PPP4C: variants seen among roughly 807,000 people sequenced by gnomAD.
The protein encoded by PPP4C is serine/threonine-protein phosphatase 4 catalytic subunit.
A neutral mutation model predicts 40.5 loss-of-function variants in PPP4C; 10 were observed. The observed-to-expected ratio is 0.25, with a 90% CI of 0.15 to 0.42. The LOEUF is 0.42. Among genes scored for constraint, PPP4C ranks in the 10% least tolerant of loss-of-function variants. The pLI, the probability that PPP4C is intolerant of heterozygous loss-of-function variation, is 1.00. For synonymous variants in PPP4C, 187 were observed against 163.6 expected (o/e 1.14, Z -1.09); for missense variants, 191 against 416.4 (o/e 0.46, Z 4.71).
Position 30,076,200 on chromosome 16 carries a change from G to A in PPP4C, c.-64+106G>A, listed in dbSNP as rs1262557250. On this transcript the variant is annotated intron_variant, in intron 1 of 8. Coordinates refer to ENST00000279387, the MANE Select transcript of PPP4C (RefSeq NM_002720.3). ...AGGCCGTTGGACGCCGGGGGGTCCT[G>A]GGGCCGATGTGAGGGGAGGCGGGGG... is the stretch of plus-strand genomic sequence containing the variant. 4 of 642,900 alleles carry A rather than the reference G, an allele frequency of 6.2e-6. No homozygotes were observed. In the East Asian group the frequency reaches 1.1e-4, roughly 18 times the overall value. 39.8% of individuals were successfully genotyped at this position (642,900 alleles called of 1,614,324 possible). A position where few individuals can be genotyped will look rare whatever the true frequency, so the allele number is the denominator to read the frequency against.
rs1245904454 is a variant in PPP4C at position 30,085,373 on chromosome 16, TG to T, written c.*313del. ...AAAAATTCTAATAAAAGAAGAAAAA[TG>T]GTTTTTGGGTTTGTGCCAGACTTGG... On this transcript the variant is annotated 3_prime_UTR_variant, in exon 9 of 9. Transcript: ENST00000279387. 8.3e-6 allele frequency: 2 copies of T among 241,762 alleles called. No homozygotes were observed. The highest frequency in any genetic ancestry group is 1.0e-4 in the Admixed American group (2 of 19,918). 15.0% of individuals were successfully genotyped at this position (241,762 alleles called of 1,614,324 possible). A position where few individuals can be genotyped will look rare whatever the true frequency, so the allele number is the denominator to read the frequency against.
rs1396380865 is a variant in PPP4C at position 30,076,187 on chromosome 16, G to A, written c.-64+93G>A. The A allele has an allele frequency of 8.3e-6, 5 of 605,418 alleles. No individual in the cohort carries two copies. The East Asian group carries it at 1.1e-4, about 14-fold the overall frequency. The allele number at this position is 605,418 out of a possible 1,614,324, so 37.5% of individuals were successfully genotyped here. A position where few individuals can be genotyped will look rare whatever the true frequency, so the allele number is the denominator to read the frequency against. On this transcript the variant is annotated intron_variant, in intron 1 of 8. Coordinates refer to ENST00000279387, the MANE Select transcript of PPP4C (RefSeq NM_002720.3). The stretch of plus-strand genomic sequence containing the variant: ...CGGGGGTGCGGCCAGGCCGTTGGAC[G>A]CCGGGGGGTCCTGGGGCCGATGTGA...
rs1479292543 is a variant in PPP4C, at chr16:30,076,114, C to T, written c.-64+20C>T. On this transcript the variant is annotated intron_variant, in intron 1 of 8. Coordinates refer to ENST00000279387, the MANE Select transcript of PPP4C (RefSeq NM_002720.3). Reference sequence around the variant, plus strand: ...GCGGCGGTAATAGTGCGAGACTCCTCTAAGTCACCGTCCTTAGCGCGGGAC... The same window carrying T: ...GCGGCGGTAATAGTGCGAGACTCCTTTAAGTCACCGTCCTTAGCGCGGGAC... 2 of 549,968 alleles carry T rather than the reference C, an allele frequency of 3.6e-6. No individual in the cohort carries two copies. Among genetic ancestry groups the T allele is most frequent in the South Asian group, 2.2e-5 (1 of 45,656 alleles). 34.1% of individuals were successfully genotyped at this position (549,968 alleles called of 1,614,324 possible).
chr16:30,079,865 A>G (rs2072471017), intron 2 of PPP4C, among the ~76,000 whole-genome samples: 1 of 152,160 alleles, frequency 6.6e-6, no homozygotes, highest in Non-Finnish European at 1.5e-5. Flanking sequence ...CCTGGTTCAT[A>G]TCCCACCTGT....
rs937517744 is a variant in PPP4C, at chr16:30,083,195, G to T, written c.304-199G>T. The stretch of plus-strand genomic sequence containing the variant: ...AGAGCCATTAGGTTCATAGTTGAGG[G>T]AATGGGTCAGCTTTACATTCTCTGG... On this transcript the variant is annotated intron_variant, in intron 5 of 8. Transcript: ENST00000279387. The surrounding 1 kb of genome is among the most constrained non-coding windows in gnomAD (Gnocchi z 6.3). 2.1e-5 allele frequency: 14 copies of T among 657,510 alleles called. No individual in the cohort carries two copies. The highest frequency in any genetic ancestry group is 3.4e-5 in the Non-Finnish European group (13 of 380,144). 40.7% of individuals were successfully genotyped at this position (657,510 alleles called of 1,614,324 possible).
Position 30,082,542 on chromosome 16 carries a change from T to A in PPP4C, c.201+8T>A, listed in dbSNP as rs1372914096. ...CTCAAAGAGCTGTTCAGAGTAAGAG[T>A]GTGGCCAACACTGTGAAATGTAACG... On this transcript the variant is annotated splice_region_variant and intron_variant, in intron 4 of 8. Transcript: ENST00000279387. 6.2e-7 allele frequency: 1 copy of A among 1,610,556 alleles called. No individual in the cohort carries two copies. Among genetic ancestry groups the A allele is most frequent in the African/African-American group, 1.3e-5 (1 of 74,492 alleles).
At chr16:30,078,520 C>T (rs894957576) in intron 2 of PPP4C, among the ~76,000 whole-genome samples, 11 of 152,112 alleles carry the variant, frequency 7.2e-5, no homozygotes, top group South Asian at 2.1e-4. Context: ...CTGAGTTGGC[C>T]GCTGTTGTCC....
In PPP4C at chr16:30,076,546, CTG is replaced by C; in HGVS notation, c.98+72_98+73del. 3.4e-6 allele frequency: 5 copies of C among 1,458,064 alleles called. No individual in the cohort carries two copies. In the Admixed American group the frequency reaches 7.9e-5, roughly 23 times the overall value. 90.3% of individuals were successfully genotyped at this position (1,458,064 alleles called of 1,614,324 possible). ...GGGTTCTGGCCTGGGGCAAACCCAACTGAGAACTTTGGGCTTGCCTCGTTCTG... is the reference window on the plus strand; with the variant it reads ...GGGTTCTGGCCTGGGGCAAACCCAACAGAACTTTGGGCTTGCCTCGTTCTG... On this transcript the variant is annotated intron_variant, in intron 2 of 8. Transcript: ENST00000279387.
intron 3 of PPP4C, 78 bp from the exon 4 acceptor site, chr16:30,082,406 A>T: frequency 7.0e-7 from 1 of 1,425,216 alleles, no homozygotes; most frequent in Non-Finnish European, 9.9e-7. Context: ...AAAGCTCACT[A>T]AAGCAGCGGG....
Position 30,085,280 on chromosome 16 carries a change from AT to A in PPP4C, c.*227del, listed in dbSNP as rs377507935. The A allele has an allele frequency of 1.6e-3, 637 of 406,690 alleles. 3 individuals are homozygous for A. The highest frequency in any genetic ancestry group is 0.012 in the South Asian group (104 of 8,778). The allele number at this position is 406,690 out of a possible 1,614,324, so 25.2% of individuals were successfully genotyped here. A position where few individuals can be genotyped will look rare whatever the true frequency, so the allele number is the denominator to read the frequency against. On this transcript the variant is annotated 3_prime_UTR_variant, in exon 9 of 9. Coordinates refer to ENST00000279387, the MANE Select transcript of PPP4C (RefSeq NM_002720.3). ...CACTTGAACCATGAAGTTTCCAATA[AT>A]TTTTTTTTCTTTTTTTCCTTCTTTT...
chr16:30,076,119 T>G (rs1378784911), intron 1 of PPP4C, 25 bp downstream of exon 1: 16 of 550,884 alleles, frequency 2.9e-5, no homozygotes, highest in Non-Finnish European at 4.9e-5. Flanking sequence ...CTCCTCTAAG[T>G]CACCGTCCTT....
chr16:30,081,246 C>T lies in PPP4C; in HGVS notation c.99-13C>T. 6.2e-7 allele frequency: 1 copy of T among 1,613,566 alleles called. No homozygotes were observed. Among genetic ancestry groups the T allele is most frequent in the Non-Finnish European group, 8.5e-7 (1 of 1,179,794 alleles). Reference sequence around the variant, plus strand: ...GCCTGGCTGTGGTGACCCTGGTCTTCTCCTGTCTCCAGAGAGATCTTGGTA... The same window carrying T: ...GCCTGGCTGTGGTGACCCTGGTCTTTTCCTGTCTCCAGAGAGATCTTGGTA... On this transcript the variant is annotated splice_polypyrimidine_tract_variant and intron_variant, in intron 2 of 8. Coordinates refer to ENST00000279387, the MANE Select transcript of PPP4C (RefSeq NM_002720.3).
In PPP4C at chr16:30,084,650, T is replaced by G. The variant is rs951190303; in HGVS notation, c.605-16T>G. ...GCCTGAGGACATCCCTCTCCATCCC[T>G]CCCTTTCCGCATCAGACACCACAGG... On this transcript the variant is annotated splice_polypyrimidine_tract_variant and intron_variant, in intron 7 of 8. Transcript: ENST00000279387. 1.2e-6 allele frequency: 2 copies of G among 1,612,448 alleles called. No homozygotes were observed. The highest frequency in any genetic ancestry group is 1.7e-5 in the Admixed American group (1 of 59,984).
intron 2 of PPP4C, among the ~76,000 whole-genome samples, chr16:30,080,344 C>CA (rs766436567): frequency 0.028 from 1,234 of 43,364 alleles, 10 homozygotes; most frequent in African/African-American, 0.037. Context: ...GACTCTGTCT[C>CA]AAAAAAAAAA....
At position 30,085,026 on chromosome 16, in the gene PPP4C, C is replaced by G; in HGVS notation, c.888C>G (p.Ile296Met). ...CTGCTCCCCAAGAGACACGGGGCAT[C>G]CCCTCCAAGAAGCCCGTGGCCGACT... Reference protein sequence around the residue: ...FEAAPQETRGIPSKKPVADYF... With the variant: ...FEAAPQETRGMPSKKPVADYF... Residue 296 changes from isoleucine (I) to methionine (M), a missense_variant, in exon 9 of 9, where the codon ATC (isoleucine) becomes ATG (methionine). This residue lies in a region of PPP4C where 20 missense variants were observed against 41.0 expected (regional missense o/e 0.49). Transcript: ENST00000279387. 1 of 1,614,126 alleles carries G rather than the reference C, an allele frequency of 6.2e-7. No homozygotes were observed. Among genetic ancestry groups the G allele is most frequent in the Non-Finnish European group, 8.5e-7 (1 of 1,180,024 alleles).
chr16:30,082,589 T>C (rs2151027646), intron 4 of PPP4C, 55 bp downstream of exon 4: 1 of 1,586,670 alleles, frequency 6.3e-7, no homozygotes, highest in Admixed American at 1.7e-5. Flanking sequence ...GGAAGACCCC[T>C]GTAATTGAGG....
rs1186495754 is a variant in PPP4C, at chr16:30,081,377, T to C, written c.150+67T>C. 3 of 1,369,610 alleles carry C rather than the reference T, an allele frequency of 2.2e-6. No homozygotes were observed. The East Asian group carries it at 6.9e-5, about 31-fold the overall frequency. The allele number at this position is 1,369,610 out of a possible 1,614,324, so 84.8% of individuals were successfully genotyped here. ...AGGCACATGAAGTTTCCTCTTCATC[T>C]TGGGGGCTCTATAAGCCCAACCCTA... is the stretch of plus-strand genomic sequence containing the variant. On this transcript the variant is annotated intron_variant, in intron 3 of 8. Coordinates refer to ENST00000279387, the MANE Select transcript of PPP4C (RefSeq NM_002720.3).
chr16:30,083,940 A>C lies in PPP4C; in HGVS notation c.604+159A>C. 1 of 1,144,954 alleles carries C rather than the reference A, an allele frequency of 8.7e-7. No individual in the cohort carries two copies. 70.9% of individuals were successfully genotyped at this position (1,144,954 alleles called of 1,614,324 possible). The stretch of plus-strand genomic sequence containing the variant: ...CCTGCATGGCAGGTGCTTTGAGCAC[A>C]CAGTGGCTTGGGGCATGGCCCAGAG... On this transcript the variant is annotated intron_variant, in intron 7 of 8. Coordinates refer to ENST00000279387, the MANE Select transcript of PPP4C (RefSeq NM_002720.3). The surrounding 1 kb of genome is among the most constrained non-coding windows in gnomAD (Gnocchi z 6.3).
rs954840017 is a variant in PPP4C at position 30,080,940 on chromosome 16, A to C, written c.99-319A>C. Among the ~76,000 whole-genome samples, 3 of 151,908 alleles carry C rather than the reference A, an allele frequency of 2.0e-5. No individual in the cohort carries two copies. In the East Asian group the frequency reaches 5.8e-4, roughly 29 times the overall value. On this transcript the variant is annotated intron_variant, in intron 2 of 8. Transcript: ENST00000279387. ...GCTCTGCTGTGGAGAGGATGGGGAG[A>C]CCCGCCTCCCAGGAGTGAGTCCTGG...
Sources: allele counts gnomAD v4.1 joint callset (sites outside exome capture counted in the v4.1 genomes callset), GRCh38; gene constraint gnomAD v4.1.1; regional missense constraint gnomAD v4.1.1; non-coding constraint Gnocchi (gnomAD v3.1); transcripts MANE v1.5; gene names NCBI Gene and HGNC (gene_info 2026-07-23, HGNC 2026-07-21).